RIGI: variants seen among roughly 807,000 people sequenced by gnomAD.
The protein encoded by RIGI is antiviral innate immune response receptor RIG-I.
At chr9:32,478,579 A>G in the RIGI span, among the ~76,000 whole-genome samples, 1 of 152,064 alleles carries the variant, frequency 6.6e-6, no homozygotes, top group Non-Finnish European at 1.5e-5. Flanking sequence ...TGATTGATTG[A>G]GATAAGGACT....
At chr9:32,467,624 C>T in the RIGI span, 1 of 715,596 alleles carries the variant, frequency 1.4e-6, no homozygotes, top group Non-Finnish European at 2.1e-6. Flanking sequence ...CCTTAAGGGC[C>T]AATGATACCA....
At chr9:32,499,326 T>TTTG in the RIGI span, among the ~76,000 whole-genome samples, 1 of 148,762 alleles carries the variant, frequency 6.7e-6, no homozygotes, top group African/African-American at 2.5e-5. Flanking sequence ...GTTTTTTTTT[T>TTTG]TTTTTTTTTT....
the RIGI span, chr9:32,487,652 A>G: frequency 6.2e-7 from 1 of 1,609,146 alleles, no homozygotes; most frequent in Non-Finnish European, 8.5e-7. Context: ...AGCATTCAAA[A>G]TCATTAGATG....
chr9:32,470,772 A>G, the RIGI span, among the ~76,000 whole-genome samples: 1 of 152,264 alleles, frequency 6.6e-6, no homozygotes, highest in Non-Finnish European at 1.5e-5. Context: ...TTTGTAAAAA[A>G]AGGTGTTCAC....
At chr9:32,515,533 C>A in the RIGI span, among the ~76,000 whole-genome samples, 2 of 152,072 alleles carry the variant, frequency 1.3e-5, no homozygotes, top group Non-Finnish European at 2.9e-5. Flanking sequence ...ACAGTGTAAC[C>A]AAATTGTATA....
the RIGI span, among the ~76,000 whole-genome samples, chr9:32,461,654 C>T: frequency 2.6e-5 from 4 of 152,114 alleles, no homozygotes; most frequent in Admixed American, 6.5e-5. Context: ...TGCCCATCAC[C>T]GTTGCCTCTT....
At chr9:32,459,349 A>C in the RIGI span, 1 of 1,610,472 alleles carries the variant, frequency 6.2e-7, no homozygotes, top group Non-Finnish European at 8.5e-7. Context: ...ATGACCAGGC[A>C]CTTTGTAAAA....
the RIGI span, among the ~76,000 whole-genome samples, chr9:32,518,579 G>A: frequency 2.6e-3 from 397 of 152,262 alleles, 3 homozygotes; most frequent in African/African-American, 9.3e-3. Flanking sequence ...TAGAATATTG[G>A]AGAAATCTGG....
chr9:32,504,068 C>CACACACACACACACACACACACACACCCA, the RIGI span, among the ~76,000 whole-genome samples: 1 of 151,218 alleles, frequency 6.6e-6, no homozygotes, highest in African/African-American at 2.4e-5. Context: ...CACACACACA[C>CACACACACACACACACACACACACACCCA]CCAGGTCTGC....
the RIGI span, chr9:32,526,103 G>A: frequency 6.2e-7 from 1 of 1,613,906 alleles, no homozygotes; most frequent in Non-Finnish European, 8.5e-7. Context: ...ATGTAGGTAG[G>A]GTCCAGGGTC....
At chr9:32,513,605 G>T in the RIGI span, among the ~76,000 whole-genome samples, 5 of 152,138 alleles carry the variant, frequency 3.3e-5, no homozygotes, top group Non-Finnish European at 5.9e-5. Flanking sequence ...TTAAATGTAA[G>T]ACCTAAAACC....
At chr9:32,515,269 G>A in the RIGI span, among the ~76,000 whole-genome samples, 13 of 139,382 alleles carry the variant, frequency 9.3e-5, no homozygotes, top group African/African-American at 3.5e-4. Context: ...AGTGAGCCGA[G>A]ATCAGACCAC....
chr9:32,504,783 TAAAATATATTTAATACATAAAATATATAA>T, the RIGI span, among the ~76,000 whole-genome samples: 1 of 137,140 alleles, frequency 7.3e-6, no homozygotes, highest in African/African-American at 2.7e-5. Context: ...ATAAAATATA[TAAAATATATTTAATACATAAAATATATAA>T]AATATATTTA....
the RIGI span, chr9:32,480,197 C>G: frequency 1.3e-6 from 2 of 1,576,996 alleles, no homozygotes; most frequent in Admixed American, 3.4e-5. Flanking sequence ...CTGTGGCTTC[C>G]TCCTCTGAAA....
chr9:32,466,357 T>C, the RIGI span: 1 of 1,614,022 alleles, frequency 6.2e-7, no homozygotes, highest in East Asian at 2.2e-5. Context: ...CATTTTTTCT[T>C]TGTACATGTT....
the RIGI span, among the ~76,000 whole-genome samples, chr9:32,488,519 G>C: frequency 2.0e-5 from 3 of 152,160 alleles, no homozygotes; most frequent in Non-Finnish European, 4.4e-5. Context: ...TATTCCTGAA[G>C]TCATTTACTC....
At chr9:32,472,999 G>T in the RIGI span, 1 of 1,608,956 alleles carries the variant, frequency 6.2e-7, no homozygotes, top group South Asian at 1.1e-5. Context: ...GTTTTGCCAC[G>T]TCCAGTCAAT....
the RIGI span, among the ~76,000 whole-genome samples, chr9:32,496,227 T>C: frequency 6.6e-6 from 1 of 152,254 alleles, no homozygotes; most frequent in African/African-American, 2.4e-5. Flanking sequence ...TTAGGTCTTA[T>C]ATTTGCTCTT....
the RIGI span, among the ~76,000 whole-genome samples, chr9:32,524,596 G>GTTTTTTTTTTTTTTTTTTTTTTTT: frequency 1.6e-4 from 11 of 67,582 alleles, 1 homozygote; most frequent in African/African-American, 5.9e-4. Flanking sequence ...TTGTTTTTCG[G>GTTTTTTTTTTTTTTTTTTTTTTTT]TTTTTTTTTT....
Sources: allele counts gnomAD v4.1 joint callset (sites outside exome capture counted in the v4.1 genomes callset), GRCh38; gene constraint gnomAD v4.1.1; transcripts MANE v1.5; gene names NCBI Gene and HGNC (gene_info 2026-07-23, HGNC 2026-07-21).